The following SKIC3 variants were observed in gnomAD, a reference collection of about 807,000 sequenced individuals.
SKIC3 encodes the protein superkiller complex protein 3.
the SKIC3 span, among the ~76,000 whole-genome samples, chr5:95,487,135 C>G: frequency 8.5e-5 from 13 of 152,208 alleles, no homozygotes; most frequent in East Asian, 2.5e-3. Context: ...CCGGCCTAGC[C>G]TCCCACCCTA....
At chr5:95,550,468 T>TA in the SKIC3 span, 267 of 140,426 alleles carry the variant, frequency 1.9e-3, no homozygotes, top group Non-Finnish European at 2.4e-3. Flanking sequence ...AGTCTGACAT[T>TA]AAAAAAAAAA....
the SKIC3 span, among the ~76,000 whole-genome samples, chr5:95,501,220 A>C: frequency 6.6e-6 from 1 of 152,184 alleles, no homozygotes; most frequent in South Asian, 2.1e-4. Flanking sequence ...TTTAATACTT[A>C]CTAATAAACA....
chr5:95,551,385 G>C, the SKIC3 span, among the ~76,000 whole-genome samples: 2 of 152,094 alleles, frequency 1.3e-5, no homozygotes, highest in Non-Finnish European at 2.9e-5. Flanking sequence ...AGGTGAGGCA[G>C]GTAGGGATGA....
the SKIC3 span, chr5:95,523,829 T>C: frequency 6.2e-7 from 1 of 1,613,064 alleles, no homozygotes; most frequent in Non-Finnish European, 8.5e-7. Flanking sequence ...TATCCAGTCT[T>C]GCAGCCTTTG....
At chr5:95,509,279 T>A in the SKIC3 span, among the ~76,000 whole-genome samples, 1 of 152,062 alleles carries the variant, frequency 6.6e-6, no homozygotes, top group African/African-American at 2.4e-5. Flanking sequence ...CGGGTCCTTG[T>A]CACACAACCA....
the SKIC3 span, among the ~76,000 whole-genome samples, chr5:95,528,643 C>T: frequency 6.6e-6 from 1 of 152,028 alleles, no homozygotes; most frequent in African/African-American, 2.4e-5. Flanking sequence ...CAAATAGGCT[C>T]CAAGATGCCT....
At chr5:95,541,738 A>T in the SKIC3 span, 1 of 1,058,936 alleles carries the variant, frequency 9.4e-7, no homozygotes, top group Non-Finnish European at 1.4e-6. Flanking sequence ...ATGCTGGAAT[A>T]CTTCTACATG....
At chr5:95,543,608 T>C in the SKIC3 span, among the ~76,000 whole-genome samples, 10 of 152,184 alleles carry the variant, frequency 6.6e-5, no homozygotes, top group Admixed American at 1.3e-4. Context: ...TTGAGAATAC[T>C]GGGTATAAAA....
At chr5:95,488,083 C>A in the SKIC3 span, among the ~76,000 whole-genome samples, 1 of 151,806 alleles carries the variant, frequency 6.6e-6, no homozygotes, top group East Asian at 1.9e-4. Context: ...CTAGATCAAG[C>A]AGAAGAGCCT....
the SKIC3 span, among the ~76,000 whole-genome samples, chr5:95,510,855 G>T: frequency 6.6e-6 from 1 of 152,098 alleles, no homozygotes; most frequent in Non-Finnish European, 1.5e-5. Context: ...CTAGGCAGCG[G>T]GCAAAGTGAA....
the SKIC3 span, chr5:95,523,861 G>C: frequency 9.4e-6 from 15 of 1,601,984 alleles, no homozygotes; most frequent in East Asian, 1.6e-4. Flanking sequence ...GATAATAACA[G>C]AACATTAAAA....
chr5:95,487,011 A>G, the SKIC3 span, among the ~76,000 whole-genome samples: 30 of 152,334 alleles, frequency 2.0e-4, no homozygotes, highest in Admixed American at 3.9e-4. Flanking sequence ...GCCAAAAGAG[A>G]ATAACATGTG....
chr5:95,520,726 A>G, the SKIC3 span: 3 of 1,608,978 alleles, frequency 1.9e-6, no homozygotes, highest in Admixed American at 5.0e-5. Context: ...CAAGTAAAAT[A>G]TTCCAGTGCT....
chr5:95,477,375 C>T, the SKIC3 span, among the ~76,000 whole-genome samples: 1 of 152,136 alleles, frequency 6.6e-6, no homozygotes, highest in South Asian at 2.1e-4. Context: ...CCTAATTCTA[C>T]ATTTCATTGT....
At chr5:95,551,128 A>G in the SKIC3 span, among the ~76,000 whole-genome samples, 141 of 152,292 alleles carry the variant, frequency 9.3e-4, no homozygotes, top group African/African-American at 3.1e-3. Flanking sequence ...CAATTATATT[A>G]GTTTGTAATC....
chr5:95,538,520 T>G, the SKIC3 span, among the ~76,000 whole-genome samples: 1 of 152,090 alleles, frequency 6.6e-6, no homozygotes, highest in Non-Finnish European at 1.5e-5. Context: ...GAAATGAACT[T>G]CCTATCCTAT....
At chr5:95,542,514 C>A in the SKIC3 span, among the ~76,000 whole-genome samples, 1 of 152,162 alleles carries the variant, frequency 6.6e-6, no homozygotes. Flanking sequence ...ATCAAGTAGT[C>A]TGTGAAAATT....
chr5:95,515,486 A>G, the SKIC3 span, among the ~76,000 whole-genome samples: 1 of 151,944 alleles, frequency 6.6e-6, no homozygotes, highest in African/African-American at 2.4e-5. Context: ...GCTTTATACT[A>G]TTTTCTCAAC....
chr5:95,478,267 T>A, the SKIC3 span: 2 of 1,612,866 alleles, frequency 1.2e-6, no homozygotes, highest in Non-Finnish European at 1.7e-6. Flanking sequence ...TTTTTCATGA[T>A]CATAATTATA....
Sources: allele counts gnomAD v4.1 joint callset (sites outside exome capture counted in the v4.1 genomes callset), GRCh38; gene constraint gnomAD v4.1.1; transcripts MANE v1.5; gene names NCBI Gene and HGNC (gene_info 2026-07-23, HGNC 2026-07-21).